Variants in EIF4G1 observed in about 807,000 individuals in gnomAD.
EIF4G1 encodes EIF4-gamma.
A neutral mutation model predicts 187.8 loss-of-function variants in EIF4G1; 4 were observed. That is an observed-to-expected ratio of 0.02 (90% CI 0.01 to 0.05). The LOEUF (loss-of-function observed/expected upper bound fraction) is 0.05, where lower values mean the gene tolerates loss of function less well. Among genes scored for constraint, EIF4G1 ranks in the 10% least tolerant of loss-of-function variants. The pLI is 1.00. For synonymous variants in EIF4G1, 844 were observed against 781.4 expected (o/e 1.08, Z -1.34); for missense variants, 1,647 against 2,081.1 (o/e 0.79, Z 4.06).
In EIF4G1 at chr3:184,323,337, TGTA is replaced by T; in HGVS notation, c.2089-65_2089-63del. On this transcript the variant is annotated intron_variant, in intron 14 of 32. Coordinates refer to ENST00000346169, the MANE Select transcript of EIF4G1 (RefSeq NM_198241.3). This position sits in a 1 kb window ranked among gnomAD's most constrained non-coding sequence, Gnocchi z 6.9. ...CGGGGAGGGGTTTGCCCTGGAGGCGTGTAGTAGTGGTGTCACATATTGTGCTGA... is the reference window on the plus strand; with the variant it reads ...CGGGGAGGGGTTTGCCCTGGAGGCGTGTAGTGGTGTCACATATTGTGCTGA... The T allele has an allele frequency of 1.2e-6, 2 of 1,611,726 alleles. No individual in the cohort carries two copies. The highest frequency in any genetic ancestry group is 1.7e-6 in the Non-Finnish European group (2 of 1,178,448).
At chr3:184,330,111 C>T (rs544070673) in intron 28 of EIF4G1, among the ~76,000 whole-genome samples, 77 of 152,190 alleles carry the variant, frequency 5.1e-4, no homozygotes, top group Non-Finnish European at 9.0e-4. Context: ...AAGACTGGGC[C>T]GGGCGTGGTA....
At position 184,335,303 on chromosome 3, in the gene EIF4G1, G is replaced by C. The variant is rs1726907469; in HGVS notation, c.*395G>C. 1 of 243,182 alleles carries C rather than the reference G, an allele frequency of 4.1e-6. No homozygotes were observed. The highest frequency in any genetic ancestry group is 5.4e-5 in the South Asian group (1 of 18,554). 15.1% of individuals were successfully genotyped at this position (243,182 alleles called of 1,614,324 possible). ...TACCACCCCTGCTGTTGCCTGGGCA[G>C]GGGGAAGGGGGGGCACGGTGCCTGT... On this transcript the variant is annotated 3_prime_UTR_variant, in exon 33 of 33. Coordinates refer to ENST00000346169, the MANE Select transcript of EIF4G1 (RefSeq NM_198241.3).
chr3:184,326,002 C>G (rs776820026), intron 21 of EIF4G1, 51 bp downstream of exon 21: 2 of 1,576,816 alleles, frequency 1.3e-6, no homozygotes, highest in African/African-American at 2.7e-5. Flanking sequence ...AGATCTTAGT[C>G]CCTTCACTTT....
At chr3:184,315,691 A>C in intron 2 of EIF4G1, 72 bp from the exon 3 acceptor site, 1 of 1,180,974 alleles carries the variant, frequency 8.5e-7, no homozygotes, top group Middle Eastern at 1.9e-4. Flanking sequence ...CCCTTGCATC[A>C]ACCCTTTCAC....
intron 6 of EIF4G1, among the ~76,000 whole-genome samples, chr3:184,319,428 TG>T (rs1174129567): frequency 2.5e-5 from 1 of 40,234 alleles, no homozygotes; most frequent in East Asian, 6.9e-4. Context: ...CTACGAGGGG[TG>T]TGTGTGTGTG....
chr3:184,331,157 A>C, intron 28 of EIF4G1, 109 bp from the exon 29 acceptor site: 5 of 1,175,904 alleles, frequency 4.3e-6, no homozygotes, highest in Non-Finnish European at 6.4e-6. Flanking sequence ...AATGCCTAGC[A>C]AGTACCTAGT....
rs1724725833 is a variant in EIF4G1, at chr3:184,325,517, A to G, written c.2999A>G (p.Lys1000Arg). ...CCACGCCGAGGGGATCAGGGTCCCA[A>G]GACCATTGACCAGATCCATAAGGAG... is the stretch of plus-strand genomic sequence containing the variant. ...WVPRRGDQGP[K>R]TIDQIHKEAE... Residue 1000 changes from lysine to arginine, a missense_variant, in exon 20 of 33, where the codon AAG becomes AGG. Transcript: ENST00000346169. This position sits in a 1 kb window ranked among gnomAD's most constrained non-coding sequence, Gnocchi z 5.2. The G allele has an allele frequency of 6.2e-7, 1 of 1,614,136 alleles. No individual in the cohort carries two copies. Among genetic ancestry groups the G allele is most frequent in the Non-Finnish European group, 8.5e-7 (1 of 1,180,036 alleles).
At chr3:184,320,462 T>C in intron 7 of EIF4G1, 168 bp from the exon 8 acceptor site, 1 of 1,519,820 alleles carries the variant, frequency 6.6e-7, no homozygotes, top group Non-Finnish European at 8.8e-7. Context: ...GGGCAGGGAC[T>C]ACGAGAGCAG....
intron 32 of EIF4G1, among the ~76,000 whole-genome samples, chr3:184,333,222 C>T (rs970356860): frequency 5.3e-5 from 8 of 152,042 alleles, no homozygotes; most frequent in Non-Finnish European, 7.4e-5. Context: ...GCTTAGAGGC[C>T]ATAGTGTGAT....
intron 7 of EIF4G1, 181 bp from the exon 8 acceptor site, chr3:184,320,449 C>T: frequency 6.6e-7 from 1 of 1,504,690 alleles, no homozygotes; most frequent in South Asian, 1.3e-5. Context: ...AGGGTGGGAG[C>T]TGGGGCAGGG....
At position 184,324,898 on chromosome 3, in the gene EIF4G1, G is replaced by A; in HGVS notation, c.2640G>A (p.Leu880=). The A allele has an allele frequency of 6.2e-7, 1 of 1,614,078 alleles. No individual in the cohort carries two copies. Among genetic ancestry groups the A allele is most frequent in the Non-Finnish European group, 8.5e-7 (1 of 1,180,046 alleles). The part of the protein sequence containing the change: ...EAATAEERGR[L]KEELEEARDI... The stretch of plus-strand genomic sequence containing the variant: ...GGCAGGCAGAGGAACGAGGACGCCT[G>A]AAGGAAGAGCTGGAAGAGGCTCGGG... The change falls in exon 18 of 33, where the codon CTG becomes CTA. Residue 880 remains leucine, a synonymous_variant. Coordinates refer to ENST00000346169, the MANE Select transcript of EIF4G1 (RefSeq NM_198241.3).
At chr3:184,315,997 C>A in intron 3 of EIF4G1, 135 bp from the exon 4 acceptor site, 2 of 1,529,160 alleles carry the variant, frequency 1.3e-6, no homozygotes, top group Non-Finnish European at 1.8e-6. Flanking sequence ...GGGCTGTCCC[C>A]GGGGGCTGTC....
Position 184,327,261 on chromosome 3 carries a change from A to G in EIF4G1, c.3474A>G (p.Gly1158=), listed in dbSNP as rs372618577. 3.0e-5 allele frequency: 49 copies of G among 1,613,442 alleles called. No individual in the cohort carries two copies. The African/African-American group carries it at 6.4e-4, about 21-fold the overall frequency. The change falls in exon 24 of 33, where the codon GGA becomes GGG. Residue 1158 remains glycine, a synonymous_variant. Coordinates refer to ENST00000346169, the MANE Select transcript of EIF4G1 (RefSeq NM_198241.3). The stretch of plus-strand genomic sequence containing the variant: ...GAGGCGAGAAAGCTGGAGACCGAGG[A>G]GACCGCCTAGAGCGGAGTGAACGGG... ...RERGEKAGDR[G]DRLERSERGG...
intron 5 of EIF4G1, 89 bp from the exon 6 acceptor site, chr3:184,317,628 T>G (rs183060682): frequency 3.5e-5 from 54 of 1,534,240 alleles, no homozygotes; most frequent in Middle Eastern, 1.7e-4. Context: ...AGTTGGCTTG[T>G]CTTGTCTTGA....
chr3:184,315,040 C>T, intron 1 of EIF4G1: 1 of 186,966 alleles, frequency 5.3e-6, no homozygotes, highest in Non-Finnish European at 1.1e-5. Context: ...GCGGCCAGGC[C>T]GCCGGGAAGT....
intron 23 of EIF4G1, 36 bp downstream of exon 23, chr3:184,327,019 G>T (rs534639765): frequency 6.2e-7 from 1 of 1,612,724 alleles, no homozygotes; most frequent in Non-Finnish European, 8.5e-7. Context: ...ATTCACACTG[G>T]GGGTACCGTG....
At position 184,334,702 on chromosome 3, in the gene EIF4G1, T is replaced by A. The variant is rs1726814697; in HGVS notation, c.4619-25T>A. On this transcript the variant is annotated intron_variant, in intron 32 of 32. Transcript: ENST00000346169. The surrounding 1 kb of genome is among the most constrained non-coding windows in gnomAD (Gnocchi z 5.8). The stretch of plus-strand genomic sequence containing the variant: ...TGGGGTGGCGGTGGCCAGTCACCTC[T>A]AACTGCTGTCCCGCCTGCTTGCAGA... The A allele has an allele frequency of 1.2e-6, 2 of 1,613,932 alleles. No homozygotes were observed. Among genetic ancestry groups the A allele is most frequent in the African/African-American group, 2.7e-5 (2 of 74,908 alleles).
At position 184,317,322 on chromosome 3, in the gene EIF4G1, A is replaced by G; in HGVS notation, c.149A>G (p.His50Arg). The part of the protein sequence containing the change: ...QMNTPSQPRQ[H>R]FYPSRAQPPS... ...AACTGCTTTCCTCCCTCCTGACAGC[A>G]CTTCTACCCTAGCCGGGCCCAGCCC... The change falls in exon 5 of 33, where the codon CAC becomes CGC. Residue 50 changes from histidine (H) to arginine (R), a missense_variant and splice_region_variant. Physicochemically the swap from His to Arg is conservative, Grantham distance 29 (BLOSUM62 0). Around this residue, in one of 11 missense-constraint regions of EIF4G1, gnomAD observed 139 missense variants for 187.3 expected, o/e 0.74. Transcript: ENST00000346169. 6.2e-7 allele frequency: 1 copy of G among 1,613,892 alleles called. No homozygotes were observed. The highest frequency in any genetic ancestry group is 8.5e-7 in the Non-Finnish European group (1 of 1,179,990).
chr3:184,327,861 C>T lies in EIF4G1; in HGVS notation c.3812C>T (p.Ser1271Leu). The change falls in exon 26 of 33, where the codon TCA becomes TTA. Residue 1271 changes from serine to leucine, a missense_variant. Coordinates refer to ENST00000346169, the MANE Select transcript of EIF4G1 (RefSeq NM_198241.3). ...EAVQCVQELA[S>L]PSLLFIFVRH... ...GTCCAGTGCGTGCAGGAGCTGGCCT[C>T]ACCCTCCTTGCTCTTCATCTTTGTA... The T allele has an allele frequency of 3.1e-6, 5 of 1,614,070 alleles. No homozygotes were observed. Among genetic ancestry groups the T allele is most frequent in the Non-Finnish European group, 4.2e-6 (5 of 1,180,038 alleles).
Sources: allele counts gnomAD v4.1 joint callset (sites outside exome capture counted in the v4.1 genomes callset), GRCh38; gene constraint gnomAD v4.1.1; regional missense constraint gnomAD v4.1.1; non-coding constraint Gnocchi (gnomAD v3.1); transcripts MANE v1.5; gene names NCBI Gene and HGNC (gene_info 2026-07-23, HGNC 2026-07-21).